ARHGAP10: variants seen among roughly 807,000 people sequenced by gnomAD.
ARHGAP10 encodes the protein Rho GTPase activating protein 10.
In ARHGAP10, 87 loss-of-function variants were observed where a neutral mutation model predicts 108.6. That is an observed-to-expected ratio of 0.80 (90% CI 0.67 to 0.96). ARHGAP10 has a LOEUF of 0.96. Ranked by LOEUF, ARHGAP10 falls within the 40% of genes least tolerant of loss-of-function variation. The pLI, the probability that ARHGAP10 is intolerant of heterozygous loss-of-function variation, is 0.00. For missense variants in ARHGAP10, 939 were observed against 954.5 expected, an observed-to-expected ratio of 0.98 and a Z score of 0.21; for synonymous variants, 347 against 341.1, an observed-to-expected ratio of 1.02 and a Z score of -0.19.
chr4:147,779,449 T>G (rs1053434745), intron 1 of ARHGAP10, among the ~76,000 whole-genome samples: 2 of 152,008 alleles, frequency 1.3e-5, no homozygotes, highest in Admixed American at 1.3e-4. Flanking sequence ...TTTCAGTTAA[T>G]TTGGTAGATG....
At chr4:147,874,803 G>A (rs1272559597) in intron 7 of ARHGAP10, among the ~76,000 whole-genome samples, 1 of 152,076 alleles carries the variant, frequency 6.6e-6, no homozygotes, top group Non-Finnish European at 1.5e-5. Context: ...AGTAACCTTG[G>A]CTTATACTCC....
chr4:147,893,334 A>G (rs1735861543), intron 10 of ARHGAP10, among the ~76,000 whole-genome samples: 1 of 151,906 alleles, frequency 6.6e-6, no homozygotes, highest in Non-Finnish European at 1.5e-5. Flanking sequence ...CTGGGATTAC[A>G]GACGTGAGCC....
intron 18 of ARHGAP10, among the ~76,000 whole-genome samples, chr4:147,973,500 A>G (rs1230409046): frequency 6.6e-6 from 1 of 152,178 alleles, no homozygotes; most frequent in Non-Finnish European, 1.5e-5. Context: ...TGGAGTCTCC[A>G]CCACCTCAAG....
At chr4:147,800,892 A>C (rs1178012545) in intron 1 of ARHGAP10, among the ~76,000 whole-genome samples, 1 of 152,128 alleles carries the variant, frequency 6.6e-6, no homozygotes, top group African/African-American at 2.4e-5. Flanking sequence ...TCTCACTGCA[A>C]CCCACGCCTC....
At chr4:147,998,552 T>C (rs1055132005) in intron 18 of ARHGAP10, among the ~76,000 whole-genome samples, 2 of 152,266 alleles carry the variant, frequency 1.3e-5, no homozygotes, top group Non-Finnish European at 2.9e-5. Context: ...CAGTTTTACT[T>C]ACCAATATTA....
At chr4:147,949,394 G>C (rs2126975618) in intron 15 of ARHGAP10, among the ~76,000 whole-genome samples, 1 of 152,298 alleles carries the variant, frequency 6.6e-6, no homozygotes, top group Non-Finnish European at 1.5e-5. Context: ...TGGAGCTGTG[G>C]CTGAGAAATT....
chr4:148,041,830 C>T (rs546564506), intron 19 of ARHGAP10, among the ~76,000 whole-genome samples: 4 of 152,310 alleles, frequency 2.6e-5, no homozygotes, highest in African/African-American at 9.6e-5. Context: ...CAAAAGAACA[C>T]TGTGTTGTAT....
chr4:147,962,971 T>C (rs1739057422), intron 16 of ARHGAP10, among the ~76,000 whole-genome samples: 1 of 152,190 alleles, frequency 6.6e-6, no homozygotes, highest in Admixed American at 6.5e-5. Flanking sequence ...ACCACTCCTT[T>C]CATTTCTTTT....
intron 13 of ARHGAP10, among the ~76,000 whole-genome samples, chr4:147,937,583 G>A (rs113840747): frequency 0.023 from 3,496 of 152,168 alleles, 60 homozygotes; most frequent in Non-Finnish European, 0.038. Context: ...AATATAAATC[G>A]TCCTGTTATA....
chr4:147,896,843 C>T (rs543474115), intron 10 of ARHGAP10, among the ~76,000 whole-genome samples: 13 of 152,060 alleles, frequency 8.5e-5, no homozygotes, highest in African/African-American at 2.4e-4. Context: ...GGCTATAGAT[C>T]GAAAACGTGA....
chr4:147,922,409 G>A (rs1399623700), intron 13 of ARHGAP10, among the ~76,000 whole-genome samples: 9 of 151,658 alleles, frequency 5.9e-5, no homozygotes, highest in African/African-American at 2.2e-4. Context: ...AAAAAAGTTG[G>A]CCGGGCGCGG....
At chr4:147,880,496 G>A (rs928797304) in intron 9 of ARHGAP10, among the ~76,000 whole-genome samples, 6 of 152,156 alleles carry the variant, frequency 3.9e-5, no homozygotes, top group Non-Finnish European at 8.8e-5. Flanking sequence ...AGATATTTCT[G>A]CTTAGTGATA....
intron 1 of ARHGAP10, among the ~76,000 whole-genome samples, chr4:147,789,241 G>A (rs1435783161): frequency 6.6e-6 from 1 of 152,158 alleles, no homozygotes; most frequent in African/African-American, 2.4e-5. Context: ...ATTTCATCAA[G>A]GTGCATTTCT....
At chr4:147,834,194 G>A (rs1733068930) in intron 3 of ARHGAP10, among the ~76,000 whole-genome samples, 1 of 152,196 alleles carries the variant, frequency 6.6e-6, no homozygotes, top group African/African-American at 2.4e-5. Context: ...ATTAGGCTGG[G>A]AATGGTGGCT....
At chr4:148,047,509 G>A (rs1728941960) in intron 20 of ARHGAP10, among the ~76,000 whole-genome samples, 1 of 152,258 alleles carries the variant, frequency 6.6e-6, no homozygotes, top group African/African-American at 2.4e-5. Flanking sequence ...GCAGAGTTGA[G>A]ACTTGATGGT....
intron 10 of ARHGAP10, among the ~76,000 whole-genome samples, chr4:147,893,321 G>A (rs1735861134): frequency 6.6e-6 from 1 of 151,710 alleles, no homozygotes; most frequent in Admixed American, 6.6e-5. Context: ...GCCTCCCAAA[G>A]TGCTGGGATT....
At chr4:147,832,666 G>GAAAAAAAA (rs1165230059) in intron 3 of ARHGAP10, among the ~76,000 whole-genome samples, 37 of 45,786 alleles carry the variant, frequency 8.1e-4, no homozygotes, top group Non-Finnish European at 1.3e-3. Context: ...AAAAAAAAAG[G>GAAAAAAAA]AAATTGGAGC....
chr4:147,976,121 C>T (rs1222181512), intron 18 of ARHGAP10, among the ~76,000 whole-genome samples: 1 of 152,190 alleles, frequency 6.6e-6, no homozygotes, highest in African/African-American at 2.4e-5. Flanking sequence ...TGGTCTCTGT[C>T]ATTCTTTAAT....
intron 13 of ARHGAP10, among the ~76,000 whole-genome samples, chr4:147,925,962 C>T (rs1425952234): frequency 1.3e-5 from 2 of 152,226 alleles, no homozygotes; most frequent in Admixed American, 1.3e-4. Flanking sequence ...GCCTTTTGCT[C>T]TAGGAGACAC....
Sources: allele counts gnomAD v4.1 joint callset (sites outside exome capture counted in the v4.1 genomes callset), GRCh38; gene constraint gnomAD v4.1.1; transcripts MANE v1.5; gene names NCBI Gene and HGNC (gene_info 2026-07-23, HGNC 2026-07-21).